The following KCNJ10 variants were observed in gnomAD, a reference collection of about 807,000 sequenced individuals.
The protein encoded by KCNJ10 is potassium inwardly rectifying channel subfamily J member 10.
A neutral mutation model predicts 22.2 loss-of-function variants in KCNJ10; 9 were observed. The observed-to-expected ratio is 0.40, with a 90% CI of 0.24 to 0.71. The LOEUF is 0.71. KCNJ10 is among the 30% of genes least tolerant of loss of function. The pLI is 0.35. For missense variants in KCNJ10, 337 were observed against 482.7 expected (o/e 0.70, Z 2.83); for synonymous variants, 184 against 187.3 (o/e 0.98, Z 0.15).
intron 1 of KCNJ10, chr1:160,062,458 GGGACT>G (rs1330308968): frequency 6.6e-6 from 1 of 152,400 alleles, no homozygotes; most frequent in Admixed American, 6.5e-5. Context: ...CGGGAGCTGG[GGGACT>G]GCTGGTAGAG....
intron 1 of KCNJ10, among the ~76,000 whole-genome samples, chr1:160,048,227 G>GGCCCCCCTGAGGGCTGCAGTTTCTATCT (rs67364310): frequency 1.3e-5 from 2 of 151,948 alleles, no homozygotes; most frequent in Non-Finnish European, 2.9e-5. Context: ...GACGGGCCAA[G>GGCCCCCCTGAGGGCTGCAGTTTCTATCT]GCCTCACAGG....
intron 1 of KCNJ10, among the ~76,000 whole-genome samples, chr1:160,055,594 A>G (rs888675365): frequency 3.3e-5 from 5 of 152,198 alleles, no homozygotes; most frequent in Non-Finnish European, 7.3e-5. Context: ...CTTATCTGCA[A>G]AAGGGGCATA....
intron 1 of KCNJ10, among the ~76,000 whole-genome samples, chr1:160,049,872 G>A (rs1358186736): frequency 6.6e-6 from 1 of 151,226 alleles, no homozygotes; most frequent in African/African-American, 2.4e-5. Flanking sequence ...GGGAGATGTG[G>A]AAGTTCTTGT....
At chr1:160,044,036 C>A (rs11265309) in intron 1 of KCNJ10, among the ~76,000 whole-genome samples, 1 of 151,990 alleles carries the variant, frequency 6.6e-6, no homozygotes, top group African/African-American at 2.4e-5. Context: ...ACCCCACCCC[C>A]CATCTCTATT....
rs1369810816 is a variant in KCNJ10, at chr1:160,041,278, G to C, written c.*115C>G. On this transcript the variant is annotated 3_prime_UTR_variant, in exon 2 of 2. Coordinates refer to ENST00000644903, the MANE Select transcript of KCNJ10 (RefSeq NM_002241.5). The surrounding 1 kb of genome is among the most constrained non-coding windows in gnomAD (Gnocchi z 4.4). ...CAACAGGCCACTGGGTTAAAGAAGA[G>C]GGAGTGGAGGATGGGTGCTTCGGGG... The C allele has an allele frequency of 3.7e-6, 4 of 1,069,138 alleles. No individual in the cohort carries two copies. Among genetic ancestry groups the C allele is most frequent in the Non-Finnish European group, 5.6e-6 (4 of 719,102 alleles). 66.2% of individuals were successfully genotyped at this position (1,069,138 alleles called of 1,614,324 possible). A position where few individuals can be genotyped will look rare whatever the true frequency, so the allele number is the denominator to read the frequency against.
intron 1 of KCNJ10, among the ~76,000 whole-genome samples, chr1:160,053,607 AGTGTGTGT>A (rs58451151): frequency 6.7e-6 from 1 of 149,226 alleles, no homozygotes; most frequent in African/African-American, 2.5e-5. Flanking sequence ...AAAAGAGGGC[AGTGTGTGT>A]GTGTGTGTGT....
At chr1:160,055,976 T>TCTC (rs760486410) in intron 1 of KCNJ10, among the ~76,000 whole-genome samples, 36 of 152,184 alleles carry the variant, frequency 2.4e-4, no homozygotes, top group Non-Finnish European at 4.6e-4. Context: ...CAGCGTCCTG[T>TCTC]CTCCTCAGAA....
At chr1:160,043,270 AAAACAC>A (rs1192183406) in intron 1 of KCNJ10, among the ~76,000 whole-genome samples, 22 of 24,084 alleles carry the variant, frequency 9.1e-4, no homozygotes, top group African/African-American at 1.6e-3. Flanking sequence ...AATCCCCCTT[AAAACAC>A]ACACACACAC....
Position 160,041,841 on chromosome 1 carries a change from A to C in KCNJ10, c.692T>G (p.Leu231Arg). 6.2e-7 allele frequency: 1 copy of C among 1,614,200 alleles called. No individual in the cohort carries two copies. Among genetic ancestry groups the C allele is most frequent in the Middle Eastern group, 1.6e-4 (1 of 6,062 alleles). ...HQTKEGENIR[L>R]NQVNVTFQVD... is the part of the protein sequence containing the mutation. ...TTGGAAAGTCACATTGACCTGGTTG[A>C]GCCGGATGTTCTCCCCTTCCTTGGT... Residue 231 changes from leucine to arginine, a missense_variant, in exon 2 of 2, where the codon CTC (leucine) becomes CGC (arginine). This residue lies in a region of KCNJ10 where 165 missense variants were observed against 281.5 expected (regional missense o/e 0.59). Coordinates refer to ENST00000644903, the MANE Select transcript of KCNJ10 (RefSeq NM_002241.5). The surrounding 1 kb of genome is among the most constrained non-coding windows in gnomAD (Gnocchi z 4.4).
At chr1:160,045,900 C>G (rs1648732325) in intron 1 of KCNJ10, among the ~76,000 whole-genome samples, 1 of 152,214 alleles carries the variant, frequency 6.6e-6, no homozygotes, top group Non-Finnish European at 1.5e-5. Flanking sequence ...GGAGTTCATA[C>G]TGCAGGGATA....
chr1:160,062,392 G>C (rs934023240), intron 1 of KCNJ10: 8 of 152,310 alleles, frequency 5.3e-5, no homozygotes, highest in African/African-American at 1.9e-4. Flanking sequence ...CAATGGGCAG[G>C]ACATTAGTAT....
chr1:160,048,788 A>C (rs887558269), intron 1 of KCNJ10, among the ~76,000 whole-genome samples: 6 of 152,170 alleles, frequency 3.9e-5, no homozygotes, highest in African/African-American at 1.4e-4. Context: ...ATCTAAAGCC[A>C]TGTGCTGTGG....
chr1:160,064,658 A>C (rs1265106340), intron 1 of KCNJ10: 2 of 152,232 alleles, frequency 1.3e-5, no homozygotes, highest in African/African-American at 4.8e-5. Context: ...GAGGTCAAAA[A>C]GTTTAAAAAC....
chr1:160,052,234 C>T (rs1331714777), intron 1 of KCNJ10, among the ~76,000 whole-genome samples: 3 of 152,184 alleles, frequency 2.0e-5, no homozygotes, highest in Non-Finnish European at 2.9e-5. Flanking sequence ...TAGCTATTAA[C>T]TAATCCAATT....
At chr1:160,068,509 C>T (rs1423252021) in intron 1 of KCNJ10, among the ~76,000 whole-genome samples, 4 of 152,164 alleles carry the variant, frequency 2.6e-5, no homozygotes, top group African/African-American at 9.7e-5. Flanking sequence ...TGGGGGAAGG[C>T]AGCGGGGAAA....
chr1:160,066,697 GA>G (rs1444334863), intron 1 of KCNJ10, among the ~76,000 whole-genome samples: 1 of 152,184 alleles, frequency 6.6e-6, no homozygotes, highest in Non-Finnish European at 1.5e-5. Context: ...TCTCAGAGCG[GA>G]AAGTAGCCCT....
rs1463224471 is a variant in KCNJ10 at position 160,064,995 on chromosome 1, G to C, written c.-1+5027C>G. On this transcript the variant is annotated intron_variant, in intron 1 of 1. Transcript: ENST00000644903. Reference sequence around the variant, plus strand: ...CTTTTTCATTCCAGACGATGCTGCTGACAAGCCCGGCCTCAGGCTGGAGTC... The same window carrying C: ...CTTTTTCATTCCAGACGATGCTGCTCACAAGCCCGGCCTCAGGCTGGAGTC... The C allele has an allele frequency of 2.0e-5, 3 of 152,346 alleles. No individual in the cohort carries two copies. The East Asian group carries it at 5.8e-4, about 29-fold the overall frequency. 9.4% of individuals were successfully genotyped at this position (152,346 alleles called of 1,614,324 possible). A position where few individuals can be genotyped will look rare whatever the true frequency, so the allele number is the denominator to read the frequency against.
At position 160,042,418 on chromosome 1, in the gene KCNJ10, C is replaced by T. The variant is rs1274663711; in HGVS notation, c.115G>A (p.Val39Met). Residue 39 changes from valine (V) to methionine (M), a missense_variant, in exon 2 of 2, where the codon GTG becomes ATG. Physicochemically the swap from Val to Met is conservative, Grantham distance 21. Coordinates refer to ENST00000644903, the MANE Select transcript of KCNJ10 (RefSeq NM_002241.5). ...TTGTCGGCAATGTGCTCCATTCTCACGTTGCTGCGACCATCTTTTGTCAGG... is the reference window on the plus strand; with the variant it reads ...TTGTCGGCAATGTGCTCCATTCTCATGTTGCTGCGACCATCTTTTGTCAGG... ...RVLTKDGRSN[V>M]RMEHIADKRF... 10 of 1,614,116 alleles carry T rather than the reference C, an allele frequency of 6.2e-6. No individual in the cohort carries two copies. Among genetic ancestry groups the T allele is most frequent in the Non-Finnish European group, 6.8e-6 (8 of 1,180,050 alleles).
At chr1:160,062,486 C>T (rs1034048942) in intron 1 of KCNJ10, 6 of 152,360 alleles carry the variant, frequency 3.9e-5, no homozygotes, top group Admixed American at 3.9e-4. Context: ...TGAGGGGGGC[C>T]CAGGACTGAG....
Sources: gnomAD v4.1 joint callset for allele counts (sites outside exome capture counted in the v4.1 genomes callset) on GRCh38, gnomAD v4.1.1 for gene constraint, gnomAD v4.1.1 regional missense constraint, Gnocchi (gnomAD v3.1) non-coding constraint, MANE v1.5 for transcripts, NCBI Gene and HGNC (gene_info 2026-07-23, HGNC 2026-07-21) for gene names.